Variants in EZR observed in about 807,000 individuals in gnomAD.
The protein encoded by EZR is cytovillin 2.
A neutral mutation model predicts 74.8 loss-of-function variants in EZR; 40 were observed. The ratio of observed to expected loss-of-function variants is 0.53; its 90% CI spans 0.42 to 0.70. The LOEUF (loss-of-function observed/expected upper bound fraction) is 0.70. EZR is among the 30% of genes least tolerant of loss of function. The probability of loss-of-function intolerance (pLI) is 0.00; values close to 1 mark genes in which losing one functional copy is unlikely to be tolerated. For missense variants in EZR, 678 were observed against 755.8 expected, an observed-to-expected ratio of 0.90 and a Z score of 1.21; for synonymous variants, 341 against 283.3, an observed-to-expected ratio of 1.20 and a Z score of -2.05.
intron 2 of EZR, among the ~76,000 whole-genome samples, chr6:158,808,481 C>T (rs1777388101): frequency 6.8e-6 from 1 of 148,104 alleles, no homozygotes; most frequent in Non-Finnish European, 1.5e-5. Context: ...TTACTTACTA[C>T]ATTATTTCAT....
rs147063732 is a variant in EZR at position 158,798,526 on chromosome 6, G to A, written c.13-9155C>T. Reference sequence around the variant, plus strand: ...GCCTTAGCCCTCACTGCTTCTGGGCGCTATGGGGTGCCCCACCAGGGCAGA... The same window carrying A: ...GCCTTAGCCCTCACTGCTTCTGGGCACTATGGGGTGCCCCACCAGGGCAGA... On this transcript the variant is annotated intron_variant, in intron 2 of 13. Transcript: ENST00000367075. Among the ~76,000 whole-genome samples, 559 of 152,092 alleles carry A rather than the reference G, an allele frequency of 3.7e-3. 1 individual carries two copies. Among genetic ancestry groups the A allele is most frequent in the African/African-American group, 0.013 (520 of 41,488 alleles).
At chr6:158,777,454 A>G (rs1041631454) in intron 7 of EZR, among the ~76,000 whole-genome samples, 1 of 152,262 alleles carries the variant, frequency 6.6e-6, no homozygotes, top group Non-Finnish European at 1.5e-5. Flanking sequence ...ATGTGACTTC[A>G]AGACCACATT....
At chr6:158,783,779 C>T (rs985304358) in intron 6 of EZR, 113 bp from the exon 7 acceptor site, 4 of 1,175,368 alleles carry the variant, frequency 3.4e-6, no homozygotes, top group African/African-American at 1.5e-5. Context: ...GGGCTCAATG[C>T]TGTGTGCTGC....
rs1305834986 is a variant in EZR, at chr6:158,810,259, T to A, written c.12+7823A>T. Among the ~76,000 whole-genome samples the A allele has an allele frequency of 6.8e-4, 104 of 152,332 alleles. 1 individual carries two copies. In the Middle Eastern group the frequency reaches 0.01, roughly 15 times the overall value. On this transcript the variant is annotated intron_variant, in intron 2 of 13. Transcript: ENST00000367075. ...TACATTTCCTTTGAAACAGCATTAC[T>A]GTTTGCCTGTAAGTGTTAAGAACGG...
At chr6:158,814,504 C>A (rs550258623) in intron 2 of EZR, among the ~76,000 whole-genome samples, 1 of 151,854 alleles carries the variant, frequency 6.6e-6, no homozygotes, top group Non-Finnish European at 1.5e-5. Context: ...AGGTCTGCCT[C>A]GCCCTCTGTG....
At chr6:158,773,202 G>T (rs1035554316) in intron 8 of EZR, among the ~76,000 whole-genome samples, 3 of 152,134 alleles carry the variant, frequency 2.0e-5, no homozygotes, top group Non-Finnish European at 4.4e-5. Context: ...GTGCATGGGT[G>T]GGGGGATCAA....
chr6:158,786,370 T>C (rs996774455), intron 4 of EZR, among the ~76,000 whole-genome samples: 24 of 152,300 alleles, frequency 1.6e-4, no homozygotes, highest in Admixed American at 1.4e-3. Context: ...CAAGACTCCA[T>C]CTCAAAACAA....
intron 6 of EZR, 89 bp from the exon 7 acceptor site, chr6:158,783,755 G>C (rs779592567): frequency 3.6e-6 from 5 of 1,375,992 alleles, no homozygotes; most frequent in Non-Finnish European, 5.0e-6. Flanking sequence ...AAATTAAGGC[G>C]CCTTGTGTAG....
At chr6:158,799,947 G>A (rs3102991) in intron 2 of EZR, among the ~76,000 whole-genome samples, 118,271 of 152,212 alleles carry the variant, frequency 0.78, 47,846 homozygotes, top group African/African-American at 0.91. Flanking sequence ...CCCAGTAACA[G>A]ACTGTTTTAT....
At chr6:158,796,740 TC>T (rs1777080560) in intron 2 of EZR, among the ~76,000 whole-genome samples, 1 of 152,258 alleles carries the variant, frequency 6.6e-6, no homozygotes, top group Non-Finnish European at 1.5e-5. Context: ...CTGTTGCCTG[TC>T]TGCCATGTTG....
In EZR at chr6:158,815,116, G is replaced by A. The variant is rs569830276; in HGVS notation, c.12+2966C>T. Among the ~76,000 whole-genome samples the A allele has an allele frequency of 3.7e-4, 57 of 152,174 alleles. 1 individual carries two copies. Among genetic ancestry groups the A allele is most frequent in the Admixed American group, 2.4e-3 (36 of 15,278 alleles). On this transcript the variant is annotated intron_variant, in intron 2 of 13. Transcript: ENST00000367075. ...CCAAGAAAACCACCTAACATTCTTC[G>A]CTAACATTCTTAACTTAGGCTTGAA...
At chr6:158,819,285 C>T (rs1033908191) in intron 1 of EZR, 32 bp downstream of exon 1, 22 of 153,508 alleles carry the variant, frequency 1.4e-4, no homozygotes, top group African/African-American at 5.3e-4. Flanking sequence ...GCCCAGAACC[C>T]CCGTCCCGAC....
At chr6:158,811,503 A>T (rs1273184987) in intron 2 of EZR, among the ~76,000 whole-genome samples, 1 of 152,248 alleles carries the variant, frequency 6.6e-6, no homozygotes, top group Non-Finnish European at 1.5e-5. Flanking sequence ...TAAGAAAAAA[A>T]TTATAGTTCA....
intron 8 of EZR, 29 bp from the exon 9 acceptor site, chr6:158,771,436 T>A (rs771136716): frequency 6.5e-7 from 1 of 1,546,602 alleles, no homozygotes; most frequent in Non-Finnish European, 8.7e-7. Flanking sequence ...CCACCTGGAC[T>A]CAAGCTCCTT....
At chr6:158,802,688 C>G (rs1463007573) in intron 2 of EZR, among the ~76,000 whole-genome samples, 1 of 151,730 alleles carries the variant, frequency 6.6e-6, no homozygotes, top group South Asian at 2.1e-4. Flanking sequence ...TGTGCCACCA[C>G]GCCCAGCTAA....
In EZR at chr6:158,766,584, ACT is replaced by A. The variant is rs1309174758; in HGVS notation, c.*328_*329del. On this transcript the variant is annotated 3_prime_UTR_variant, in exon 14 of 14. Transcript: ENST00000367075. ...TGCCACGTTTCCTTTAATGATGCTGACTCTTGTATCACACAGGCCAGCATGAA... is the reference window on the plus strand; with the variant it reads ...TGCCACGTTTCCTTTAATGATGCTGACTTGTATCACACAGGCCAGCATGAA... 3 of 255,976 alleles carry A rather than the reference ACT, an allele frequency of 1.2e-5. No homozygotes were observed. The East Asian group carries it at 2.5e-4, about 21-fold the overall frequency. 15.9% of individuals were successfully genotyped at this position (255,976 alleles called of 1,614,324 possible).
At chr6:158,788,174 T>G (rs1223889465) in intron 3 of EZR, 1 of 152,222 alleles carries the variant, frequency 6.6e-6, no homozygotes, top group Non-Finnish European at 1.5e-5. Context: ...AACTCAGGTA[T>G]ACAGAGCATT....
At chr6:158,807,119 T>C (rs1055148143) in intron 2 of EZR, among the ~76,000 whole-genome samples, 1 of 152,082 alleles carries the variant, frequency 6.6e-6, no homozygotes, top group Non-Finnish European at 1.5e-5. Flanking sequence ...AAGACTGTCC[T>C]GGCTAACATG....
Position 158,771,346 on chromosome 6 carries a change from C to G in EZR, c.857G>C (p.Gly286Ala). Residue 286 changes from glycine to alanine, a missense_variant, in exon 9 of 14, where the codon GGC (glycine) becomes GCC (alanine). Around this residue, in one of 3 missense-constraint regions of EZR, gnomAD observed 119 missense variants for 182.3 expected, o/e 0.65. Transcript: ENST00000367075. ...INKRILQLCMGNHELYMRRRK... is the reference protein window; with the variant it reads ...INKRILQLCMANHELYMRRRK... ...GCGGCGCATATACAACTCATGGTTG[C>G]CCATGCAGAGCTGCAGGATCCGCTT... 6.2e-7 allele frequency: 1 copy of G among 1,614,138 alleles called. No homozygotes were observed. The highest frequency in any genetic ancestry group is 2.2e-5 in the East Asian group (1 of 44,878).
Sources: gnomAD v4.1 joint callset for allele counts (sites outside exome capture counted in the v4.1 genomes callset) on GRCh38, gnomAD v4.1.1 for gene constraint, gnomAD v4.1.1 regional missense constraint, MANE v1.5 for transcripts, NCBI Gene and HGNC (gene_info 2026-07-23, HGNC 2026-07-21) for gene names.